TMEM177: variants seen among roughly 807,000 people sequenced by gnomAD.
TMEM177 encodes transmembrane protein 177.
A neutral mutation model predicts 14.2 loss-of-function variants in TMEM177; 4 were observed. The observed-to-expected ratio is 0.28, with a 90% CI of 0.14 to 0.64. The LOEUF is 0.64. Among genes scored for constraint, TMEM177 ranks in the 30% least tolerant of loss-of-function variants. The probability of loss-of-function intolerance (pLI) is 0.82; values close to 1 mark genes in which losing one functional copy is unlikely to be tolerated. For missense variants in TMEM177, 344 were observed against 405.2 expected (o/e 0.85, Z 1.30); for synonymous variants, 179 against 174.5 (o/e 1.03, Z -0.20).
the TMEM177 span, among the ~76,000 whole-genome samples, chr2:119,702,770 G>A: frequency 6.6e-6 from 1 of 152,206 alleles, no homozygotes; most frequent in African/African-American, 2.4e-5. Context: ...AGGTGAGGCT[G>A]AATTGAACAT....
At chr2:119,692,063 C>G in the TMEM177 span, among the ~76,000 whole-genome samples, 8 of 152,212 alleles carry the variant, frequency 5.3e-5, no homozygotes, top group African/African-American at 1.9e-4. Context: ...CATCCTGTCC[C>G]GTCAGTGCCT....
At chr2:119,709,780 G>A in the TMEM177 span, among the ~76,000 whole-genome samples, 6 of 152,248 alleles carry the variant, frequency 3.9e-5, no homozygotes, top group East Asian at 1.9e-4. Context: ...AACCGAGATC[G>A]CGCCACTGCG....
At chr2:119,684,694 G>A (rs1201875270), downstream of TMEM177, among the ~76,000 whole-genome samples, 6 of 152,144 alleles carry the variant, frequency 3.9e-5, no homozygotes, top group South Asian at 6.2e-4. Context: ...AATCCTATCC[G>A]ACCCTGTCCT....
In TMEM177 at chr2:119,681,603, T is replaced by G. The variant is rs200620383; in HGVS notation, c.750T>G (p.Tyr250Ter). The G allele has an allele frequency of 1.9e-6, 3 of 1,614,124 alleles. No individual in the cohort carries two copies. Among genetic ancestry groups the G allele is most frequent in the Non-Finnish European group, 2.5e-6 (3 of 1,180,048 alleles). ...ATGCCTGTGGTGGAGTGGAGTTCTA[T>G]GAGAAGCTTCTGTCGGGCAACCTGG... ...AAYACGGVEF[Y>*]EKLLSGNLAL... Residue 250 changes from tyrosine to a stop codon, truncating the protein, a stop_gained, in exon 2 of 2, where the codon TAT becomes TAG. Transcript: ENST00000272521. LOFTEE classifies it high-confidence loss of function.
At chr2:119,710,375 A>T in the TMEM177 span, among the ~76,000 whole-genome samples, 1 of 152,196 alleles carries the variant, frequency 6.6e-6, no homozygotes, top group East Asian at 1.9e-4. Flanking sequence ...GATGCCCGTA[A>T]GAAGCACATT....
At chr2:119,709,279 G>A in the TMEM177 span, among the ~76,000 whole-genome samples, 1 of 152,190 alleles carries the variant, frequency 6.6e-6, no homozygotes. Context: ...ATTTAGAGAT[G>A]GTTACTGAAA....
the TMEM177 span, among the ~76,000 whole-genome samples, chr2:119,710,774 A>AT: frequency 1.6e-3 from 236 of 148,380 alleles, 2 homozygotes; most frequent in South Asian, 7.1e-3. Context: ...ACCCCCAGCT[A>AT]TTTTTTTTTG....
At chr2:119,684,165 A>G (rs1688970257), downstream of TMEM177, among the ~76,000 whole-genome samples, 1 of 152,026 alleles carries the variant, frequency 6.6e-6, no homozygotes, top group Non-Finnish European at 1.5e-5. Flanking sequence ...TCTGGATCCT[A>G]GCCTCACTGC....
At chr2:119,711,607 C>G in the TMEM177 span, among the ~76,000 whole-genome samples, 1 of 152,148 alleles carries the variant, frequency 6.6e-6, no homozygotes, top group South Asian at 2.1e-4. Context: ...ATAGGCTTCT[C>G]CCTTCTGAGG....
chr2:119,707,457 A>G, the TMEM177 span, among the ~76,000 whole-genome samples: 6 of 152,228 alleles, frequency 3.9e-5, no homozygotes, highest in East Asian at 7.7e-4. Flanking sequence ...AGGTTCTGCA[A>G]TGACAGCAGT....
At chr2:119,695,930 C>T in the TMEM177 span, among the ~76,000 whole-genome samples, 9 of 152,202 alleles carry the variant, frequency 5.9e-5, no homozygotes, top group Admixed American at 6.5e-5. Flanking sequence ...GGGACTGGCT[C>T]TGCAGGGGCC....
chr2:119,690,275 C>T (rs112395377), downstream of TMEM177, among the ~76,000 whole-genome samples: 49 of 152,242 alleles, frequency 3.2e-4, 1 homozygote, highest in African/African-American at 1.1e-3. Context: ...CTGCTCCAGT[C>T]GTGTAGGACG....
At chr2:119,721,865 C>T in the TMEM177 span, among the ~76,000 whole-genome samples, 5 of 152,158 alleles carry the variant, frequency 3.3e-5, no homozygotes, top group Non-Finnish European at 7.3e-5. Context: ...CTTATTGTGC[C>T]CGCTTATGTC....
At chr2:119,705,454 G>A in the TMEM177 span, among the ~76,000 whole-genome samples, 4 of 152,208 alleles carry the variant, frequency 2.6e-5, no homozygotes, top group African/African-American at 9.6e-5. Flanking sequence ...CCTTACGGTT[G>A]TAGGACTGAA....
At chr2:119,709,457 C>G in the TMEM177 span, among the ~76,000 whole-genome samples, 1,497 of 152,344 alleles carry the variant, frequency 9.8e-3, 16 homozygotes, top group South Asian at 0.028. Context: ...GGAAGGATCA[C>G]TTGAGCCCAG....
chr2:119,715,588 C>T, the TMEM177 span, among the ~76,000 whole-genome samples: 3 of 152,140 alleles, frequency 2.0e-5, no homozygotes, highest in Admixed American at 2.0e-4. Flanking sequence ...GAGCAGTTTG[C>T]TTTTCTGTGC....
chr2:119,709,781 C>T, the TMEM177 span, among the ~76,000 whole-genome samples: 26 of 152,126 alleles, frequency 1.7e-4, no homozygotes, highest in Admixed American at 1.1e-3. Context: ...ACCGAGATCG[C>T]GCCACTGCGC....
At chr2:119,690,868 T>A (rs1379175611), downstream of TMEM177, among the ~76,000 whole-genome samples, 1 of 152,168 alleles carries the variant, frequency 6.6e-6, no homozygotes, top group Non-Finnish European at 1.5e-5. Context: ...TCAACGTCAG[T>A]GTTGAATTTT....
In TMEM177 at chr2:119,682,060, T is replaced by G; in HGVS notation, c.*271T>G. The G allele has an allele frequency of 2.3e-6, 1 of 425,572 alleles. No homozygotes were observed. The highest frequency in any genetic ancestry group is 4.3e-6 in the Non-Finnish European group (1 of 230,896). The allele number at this position is 425,572 out of a possible 1,614,324, so 26.4% of individuals were successfully genotyped here. A position where few individuals can be genotyped will look rare whatever the true frequency, so the allele number is the denominator to read the frequency against. On this transcript the variant is annotated 3_prime_UTR_variant, in exon 2 of 2. Transcript: ENST00000272521. ...TGCAAGATTGTAGAGTTGGGTAAGG[T>G]CATGAACATAAGGGCCTGGCACAAA...
Sources: allele counts gnomAD v4.1 joint callset (sites outside exome capture counted in the v4.1 genomes callset), GRCh38; gene constraint gnomAD v4.1.1; transcripts MANE v1.5; gene names NCBI Gene and HGNC (gene_info 2026-07-23, HGNC 2026-07-21).